SPIRE1: variants seen among roughly 807,000 people sequenced by gnomAD.
The protein encoded by SPIRE1 is protein spire homolog 1.
In SPIRE1, 40 loss-of-function variants were observed where a neutral mutation model predicts 94.1. The observed-to-expected ratio is 0.43, with a 90% CI of 0.33 to 0.55. SPIRE1 has a LOEUF of 0.55. Ranked by LOEUF, SPIRE1 falls within the 20% of genes least tolerant of loss-of-function variation. The pLI is 0.06. For synonymous variants in SPIRE1, 376 were observed against 371.7 expected, an observed-to-expected ratio of 1.01 and a Z score of -0.13; for missense variants, 838 against 975.2, an observed-to-expected ratio of 0.86 and a Z score of 1.87.
At chr18:12,501,195 T>C (rs894564896) in intron 6 of SPIRE1, among the ~76,000 whole-genome samples, 2 of 150,562 alleles carry the variant, frequency 1.3e-5, no homozygotes, top group African/African-American at 4.9e-5. Flanking sequence ...AGGTCATATA[T>C]GATGAGGCAA....
chr18:12,518,507 A>AG (rs1390490655), intron 4 of SPIRE1, among the ~76,000 whole-genome samples: 1 of 151,834 alleles, frequency 6.6e-6, no homozygotes, highest in Non-Finnish European at 1.5e-5. Flanking sequence ...CACAAAAAAA[A>AG]AAAAGAAAAG....
At chr18:12,523,108 G>A (rs771530165) in intron 4 of SPIRE1, among the ~76,000 whole-genome samples, 10 of 152,148 alleles carry the variant, frequency 6.6e-5, no homozygotes, top group Admixed American at 3.3e-4. Context: ...ATGAAAGGAG[G>A]TCAAAATGCA....
At chr18:12,454,630 T>C in intron 12 of SPIRE1, 147 bp from the exon 13 acceptor site, 1 of 670,036 alleles carries the variant, frequency 1.5e-6, no homozygotes, top group South Asian at 1.8e-5. Flanking sequence ...TGGCTCCCTC[T>C]GGGGACCACA....
chr18:12,508,620 G>A (rs889944849), intron 5 of SPIRE1, among the ~76,000 whole-genome samples: 2 of 151,472 alleles, frequency 1.3e-5, no homozygotes, highest in Non-Finnish European at 2.9e-5. Flanking sequence ...ACAGGAGACA[G>A]TTACCCACAT....
chr18:12,564,153 T>G (rs2035757251), intron 2 of SPIRE1, among the ~76,000 whole-genome samples: 1 of 152,076 alleles, frequency 6.6e-6, no homozygotes, highest in African/African-American at 2.4e-5. Flanking sequence ...CCAGGAAAAT[T>G]AAAGGGTCCC....
intron 2 of SPIRE1, among the ~76,000 whole-genome samples, chr18:12,615,345 A>AAAAAAATAAAAAAAAAAATATAT: frequency 5.8e-5 from 1 of 17,236 alleles, no homozygotes; most frequent in African/African-American, 1.2e-4. Flanking sequence ...AAAAAAAAAA[A>AAAAAAATAAAAAAAAAAATATAT]ATATATATAT....
At chr18:12,652,995 A>T (rs1317042258) in intron 1 of SPIRE1, 1 of 152,142 alleles carries the variant, frequency 6.6e-6, no homozygotes, top group Non-Finnish European at 1.5e-5. Context: ...AGAAGGATTC[A>T]CTCACTTGAG....
intron 2 of SPIRE1, among the ~76,000 whole-genome samples, chr18:12,623,085 T>C (rs2037521364): frequency 6.6e-6 from 1 of 151,086 alleles, no homozygotes; most frequent in Non-Finnish European, 1.5e-5. Flanking sequence ...CCACTATCAC[T>C]AAGCAGTAGG....
rs188061464 is a variant in SPIRE1, at chr18:12,647,189, A to G, written c.337+10341T>C. Among the ~76,000 whole-genome samples, 59 of 152,314 alleles carry G rather than the reference A, an allele frequency of 3.9e-4. 1 individual carries two copies. The highest frequency in any genetic ancestry group is 2.5e-3 in the East Asian group (13 of 5,192). On this transcript the variant is annotated intron_variant, in intron 1 of 16. Transcript: ENST00000409402. ...CTTTTTAAATTTATACTAATGTCTC[A>G]TATCAGTTTTAATTTTAAAAGTTTG...
intron 2 of SPIRE1, among the ~76,000 whole-genome samples, chr18:12,557,658 C>T (rs775191469): frequency 3.3e-5 from 5 of 152,056 alleles, no homozygotes; most frequent in Non-Finnish European, 5.9e-5. Flanking sequence ...CCTGAGGAGG[C>T]ACCAAGAGCG....
chr18:12,465,777 T>C (rs1323474249), intron 10 of SPIRE1, among the ~76,000 whole-genome samples: 1 of 152,112 alleles, frequency 6.6e-6, no homozygotes. Context: ...AAATGTCATA[T>C]GAGTCTAGAA....
intron 2 of SPIRE1, among the ~76,000 whole-genome samples, chr18:12,556,708 G>GTTCATGGTCT (rs1432948185): frequency 6.6e-6 from 1 of 152,180 alleles, no homozygotes; most frequent in Non-Finnish European, 1.5e-5. Context: ...CTCCCGCTGG[G>GTTCATGGTCT]TTCATGGTCT....
intron 3 of SPIRE1, 118 bp from the exon 4 acceptor site, chr18:12,535,719 G>A: frequency 1.3e-6 from 1 of 769,398 alleles, no homozygotes; most frequent in Non-Finnish European, 2.1e-6. Flanking sequence ...CACTTTGGGA[G>A]GCCAACGCAG....
intron 2 of SPIRE1, among the ~76,000 whole-genome samples, chr18:12,630,958 G>A (rs12604541): frequency 0.39 from 59,204 of 151,992 alleles, 12,223 homozygotes; most frequent in East Asian, 0.6. Context: ...CTAGTAGTCA[G>A]TCCCCTTTGT....
At chr18:12,612,751 G>A (rs560514702) in intron 2 of SPIRE1, among the ~76,000 whole-genome samples, 2 of 152,206 alleles carry the variant, frequency 1.3e-5, no homozygotes, top group African/African-American at 4.8e-5. Context: ...TGACATCTTC[G>A]CCACTGCAGG....
chr18:12,517,619 CA>C (rs2034234279), intron 4 of SPIRE1, among the ~76,000 whole-genome samples: 1 of 152,150 alleles, frequency 6.6e-6, no homozygotes, highest in Non-Finnish European at 1.5e-5. Flanking sequence ...TGGGAGAACC[CA>C]CATGGCAATT....
intron 2 of SPIRE1, among the ~76,000 whole-genome samples, chr18:12,616,665 G>A (rs2037316962): frequency 6.6e-6 from 1 of 152,180 alleles, no homozygotes; most frequent in Non-Finnish European, 1.5e-5. Context: ...TGCGAAGGCG[G>A]AGCCCTGCCT....
At chr18:12,609,538 C>T (rs946924807) in intron 2 of SPIRE1, among the ~76,000 whole-genome samples, 9 of 152,180 alleles carry the variant, frequency 5.9e-5, no homozygotes, top group African/African-American at 2.2e-4. Context: ...GTAAGAAAGG[C>T]TGGCTTCAGT....
chr18:12,603,760 A>G (rs1270173054), intron 2 of SPIRE1, among the ~76,000 whole-genome samples: 1 of 151,994 alleles, frequency 6.6e-6, no homozygotes, highest in African/African-American at 2.4e-5. Flanking sequence ...TTTTTAGTAG[A>G]GACAGATTTT....
Sources: gnomAD v4.1 joint callset for allele counts (sites outside exome capture counted in the v4.1 genomes callset) on GRCh38, gnomAD v4.1.1 for gene constraint, MANE v1.5 for transcripts, NCBI Gene and HGNC (gene_info 2026-07-23, HGNC 2026-07-21) for gene names.